Variants in MTMR12 observed in about 807,000 individuals in gnomAD.
The protein encoded by MTMR12 is myotubularin-related protein 12.
MTMR12 carries 33 observed loss-of-function variants against 96.7 expected under a neutral mutation model. That is an observed-to-expected ratio of 0.34 (90% CI 0.26 to 0.46). The LOEUF (loss-of-function observed/expected upper bound fraction) is 0.46. Ranked by LOEUF, MTMR12 falls within the 20% of genes least tolerant of loss-of-function variation. The pLI is 1.00. For missense variants in MTMR12, 721 were observed against 896.1 expected, an observed-to-expected ratio of 0.80 and a Z score of 2.49; for synonymous variants, 298 against 327.2, an observed-to-expected ratio of 0.91 and a Z score of 0.96.
At chr5:32,295,697 T>C (rs1292279335) in intron 1 of MTMR12, among the ~76,000 whole-genome samples, 1 of 152,230 alleles carries the variant, frequency 6.6e-6, no homozygotes, top group Non-Finnish European at 1.5e-5. Context: ...GACAACAATC[T>C]GTATGGTATT....
At chr5:32,257,640 G>A (rs1749192249) in intron 7 of MTMR12, among the ~76,000 whole-genome samples, 2 of 151,958 alleles carry the variant, frequency 1.3e-5, no homozygotes, top group Admixed American at 1.3e-4. Context: ...ATGGTGGCGG[G>A]TGCCTGTAAT....
intron 1 of MTMR12, among the ~76,000 whole-genome samples, chr5:32,280,750 AACTG>A (rs1000777493): frequency 3.9e-5 from 6 of 152,322 alleles, no homozygotes; most frequent in Non-Finnish European, 7.3e-5. Context: ...TTGTCATTTA[AACTG>A]ACTGAGTGTC....
At chr5:32,235,564 G>C (rs1406370472) in intron 13 of MTMR12, among the ~76,000 whole-genome samples, 1 of 152,056 alleles carries the variant, frequency 6.6e-6, no homozygotes, top group Admixed American at 6.6e-5. Context: ...GTTACGGGGG[G>C]TGGGAGGGAA....
At chr5:32,277,345 T>C (rs946330318) in intron 1 of MTMR12, among the ~76,000 whole-genome samples, 1 of 152,150 alleles carries the variant, frequency 6.6e-6, no homozygotes, top group Non-Finnish European at 1.5e-5. Context: ...TCTCTCCTTA[T>C]CTAAGGAACA....
chr5:32,248,878 T>C lies in MTMR12; in HGVS notation c.790A>G (p.Ile264Val), dbSNP rs779755436. ...CCATTGTGGCAGGACCAACACCATA[T>C]CTGTAGAAACAAATAAAGCTTTACC... ...VQRFQGHGIP[I>V]WCWSCHNGSA... The change falls in exon 9 of 16, where the codon ATA becomes GTA. Residue 264 changes from isoleucine (I) to valine (V), a missense_variant and splice_region_variant. Physicochemically the swap from Ile to Val is conservative, Grantham distance 29. Coordinates refer to ENST00000382142, the MANE Select transcript of MTMR12 (RefSeq NM_001040446.3). 1.9e-6 allele frequency: 3 copies of C among 1,611,886 alleles called. No homozygotes were observed. Among genetic ancestry groups the C allele is most frequent in the East Asian group, 2.2e-5 (1 of 44,860 alleles).
At chr5:32,293,769 A>G (rs1390332678) in intron 1 of MTMR12, among the ~76,000 whole-genome samples, 16 of 152,154 alleles carry the variant, frequency 1.1e-4, no homozygotes, top group Admixed American at 1.0e-3. Context: ...TTCACTCCAG[A>G]TCTGCCTTCA....
At position 32,228,597 on chromosome 5, in the gene MTMR12, T is replaced by TATC. The variant is rs1554053425; in HGVS notation, c.*1180_*1181insGAT. On this transcript the variant is annotated 3_prime_UTR_variant, in exon 16 of 16. Transcript: ENST00000382142. ...ATATATATCATATATATGTGATATA[T>TATC]ATATATATATCATATATATGATATA... The TATC allele has an allele frequency of 1.3e-5, 1 of 79,402 alleles. No individual in the cohort carries two copies. The highest frequency in any genetic ancestry group is 3.8e-5 in the African/African-American group (1 of 26,390). 4.9% of individuals were successfully genotyped at this position (79,402 alleles called of 1,614,324 possible).
chr5:32,308,846 ACCCACCTCGGC>A (rs1179741205), intron 1 of MTMR12, among the ~76,000 whole-genome samples: 4 of 151,922 alleles, frequency 2.6e-5, no homozygotes, highest in Non-Finnish European at 4.4e-5. Context: ...CTCATGATCC[ACCCACCTCGGC>A]CTCCCAAAGT....
intron 6 of MTMR12, among the ~76,000 whole-genome samples, chr5:32,264,439 C>T (rs1749511748): frequency 6.6e-6 from 1 of 151,868 alleles, no homozygotes. Flanking sequence ...TTACTAGGTA[C>T]CAGGTACTGT....
At chr5:32,253,444 A>T (rs1336908000) in intron 8 of MTMR12, among the ~76,000 whole-genome samples, 1 of 152,222 alleles carries the variant, frequency 6.6e-6, no homozygotes, top group Non-Finnish European at 1.5e-5. Context: ...ATTTTATGTT[A>T]AAAGAAAAGA....
chr5:32,309,748 C>T (rs758891760), intron 1 of MTMR12: 6 of 151,462 alleles, frequency 4.0e-5, no homozygotes, highest in Non-Finnish European at 7.4e-5. Flanking sequence ...CATGCAAATT[C>T]GTGAAGCGTT....
In MTMR12 at chr5:32,229,700, G is replaced by A. The variant is rs963559743; in HGVS notation, c.*78C>T. The stretch of plus-strand genomic sequence containing the variant: ...CGGGCTAAGGACCCAGCCAGCATGA[G>A]CTGTAGCGTGACACAAATCCAGGGA... On this transcript the variant is annotated 3_prime_UTR_variant, in exon 16 of 16. Transcript: ENST00000382142. 3 of 1,407,636 alleles carry A rather than the reference G, an allele frequency of 2.1e-6. No individual in the cohort carries two copies. Among genetic ancestry groups the A allele is most frequent in the South Asian group, 3.2e-5 (2 of 61,620 alleles). The allele number at this position is 1,407,636 out of a possible 1,614,324, so 87.2% of individuals were successfully genotyped here. A position where few individuals can be genotyped will look rare whatever the true frequency, so the allele number is the denominator to read the frequency against.
chr5:32,236,729 T>G (rs1748246255), intron 13 of MTMR12, among the ~76,000 whole-genome samples: 1 of 148,070 alleles, frequency 6.8e-6, no homozygotes, highest in Non-Finnish European at 1.5e-5. Flanking sequence ...CCCAGCTACT[T>G]AAGAGGCTGA....
intron 10 of MTMR12, among the ~76,000 whole-genome samples, chr5:32,243,884 G>A (rs896047823): frequency 2.6e-5 from 4 of 152,144 alleles, no homozygotes; most frequent in Non-Finnish European, 5.9e-5. Flanking sequence ...CATCCTGTAG[G>A]TCGACAGAGA....
At chr5:32,287,974 C>T (rs1290138906) in intron 1 of MTMR12, among the ~76,000 whole-genome samples, 1 of 151,994 alleles carries the variant, frequency 6.6e-6, no homozygotes, top group South Asian at 2.1e-4. Context: ...GGTAGAATCT[C>T]CCTTCAGAAG....
chr5:32,248,823 G>A lies in MTMR12; in HGVS notation c.845C>T (p.Pro282Leu). 1.2e-6 allele frequency: 2 copies of A among 1,614,034 alleles called. No homozygotes were observed. The highest frequency in any genetic ancestry group is 2.2e-5 in the East Asian group (1 of 44,870). The change falls in exon 9 of 16, where the codon CCC becomes CTC. Residue 282 changes from proline (P) to leucine (L), a missense_variant. Transcript: ENST00000382142. ...GSALLKMSAL[P>L]KEQDDGILQI... Reference sequence around the variant, plus strand: ...TAAAATGCCGTCATCCTGTTCTTTGGGCAGTGCTGACATTTTCAAAAGGGC... The same window carrying A: ...TAAAATGCCGTCATCCTGTTCTTTGAGCAGTGCTGACATTTTCAAAAGGGC...
At chr5:32,258,151 A>C (rs1257528007) in intron 7 of MTMR12, among the ~76,000 whole-genome samples, 2 of 152,114 alleles carry the variant, frequency 1.3e-5, no homozygotes, top group Admixed American at 1.3e-4. Context: ...AAAACCAAAA[A>C]ATCTTAAAAG....
rs1747821758 is a variant in MTMR12, at chr5:32,228,525, CATATATATGATATATATATCATAT to C, written c.*1229_*1252del. The stretch of plus-strand genomic sequence containing the variant: ...TTCCTGCATTAAAAAAAATATATAT[CATATATATGATATATATATCATAT>C]ATATGTGATATATATATATCATATA... On this transcript the variant is annotated 3_prime_UTR_variant, in exon 16 of 16. Transcript: ENST00000382142. 1.2e-5 allele frequency: 1 copy of C among 84,148 alleles called. No individual in the cohort carries two copies. Among genetic ancestry groups the C allele is most frequent in the African/African-American group, 3.7e-5 (1 of 26,786 alleles). 5.2% of individuals were successfully genotyped at this position (84,148 alleles called of 1,614,324 possible). A position where few individuals can be genotyped will look rare whatever the true frequency, so the allele number is the denominator to read the frequency against.
chr5:32,266,099 C>T (rs1355985290), intron 6 of MTMR12, among the ~76,000 whole-genome samples: 2 of 152,236 alleles, frequency 1.3e-5, no homozygotes, highest in African/African-American at 4.8e-5. Flanking sequence ...CCACTATCTG[C>T]TAAGGCCCAG....
Sources: allele counts gnomAD v4.1 joint callset (sites outside exome capture counted in the v4.1 genomes callset), GRCh38; gene constraint gnomAD v4.1.1; transcripts MANE v1.5; gene names NCBI Gene and HGNC (gene_info 2026-07-23, HGNC 2026-07-21).